The following GMIP variants were observed in gnomAD, a reference collection of about 807,000 sequenced individuals.
GMIP encodes GEM-interacting protein.
In GMIP, 54 loss-of-function variants were observed where a neutral mutation model predicts 105.3. The ratio of observed to expected loss-of-function variants is 0.51; its 90% CI spans 0.41 to 0.64. The LOEUF is 0.64. Ranked by LOEUF, GMIP falls within the 30% of genes least tolerant of loss-of-function variation. GMIP has a pLI of 0.00. For synonymous variants in GMIP, 541 were observed against 560.8 expected, an observed-to-expected ratio of 0.96 and a Z score of 0.50; for missense variants, 1,110 against 1,319.4, an observed-to-expected ratio of 0.84 and a Z score of 2.46.
At position 19,635,714 on chromosome 19, in the gene GMIP, G is replaced by T. The variant is rs1384259549; in HGVS notation, c.1335C>A (p.Gly445=). ...LDSPTSSPGA[G]TRQLVKASST... is the part of the protein sequence containing the mutation. ...ACGAAGCCTTCACCAGCTGCCTCGTGCCAGCGCCTGGGGTCAGAGGAATCA... is the reference window on the plus strand; with the variant it reads ...ACGAAGCCTTCACCAGCTGCCTCGTTCCAGCGCCTGGGGTCAGAGGAATCA... The change falls in exon 14 of 21, where the codon GGC becomes GGA. Residue 445 remains glycine, a synonymous_variant. Transcript: ENST00000203556. The surrounding 1 kb of genome is among the most constrained non-coding windows in gnomAD (Gnocchi z 4.7). The T allele has an allele frequency of 6.2e-7, 1 of 1,613,876 alleles. No homozygotes were observed. Among genetic ancestry groups the T allele is most frequent in the East Asian group, 2.2e-5 (1 of 44,874 alleles).
At position 19,635,632 on chromosome 19, in the gene GMIP, C is replaced by T; in HGVS notation, c.1405+12G>A. 1 of 1,613,598 alleles carries T rather than the reference C, an allele frequency of 6.2e-7. No homozygotes were observed. The highest frequency in any genetic ancestry group is 8.5e-7 in the Non-Finnish European group (1 of 1,179,484). Reference sequence around the variant, plus strand: ...CCCTGTCCCATCCTGACCTACCCTGCTTCAGCCTCACCAGGGTCTCGCTCC... The same window carrying T: ...CCCTGTCCCATCCTGACCTACCCTGTTTCAGCCTCACCAGGGTCTCGCTCC... On this transcript the variant is annotated intron_variant, in intron 14 of 20. Transcript: ENST00000203556. This position sits in a 1 kb window ranked among gnomAD's most constrained non-coding sequence, Gnocchi z 4.7.
At chr19:19,638,542 A>T (rs2061883848) in intron 7 of GMIP, 60 bp from the exon 8 acceptor site, 3 of 1,395,852 alleles carry the variant, frequency 2.1e-6, no homozygotes, top group South Asian at 1.2e-5. Context: ...AGAAGCAGCC[A>T]CCCAGTCCTT....
intron 7 of GMIP, among the ~76,000 whole-genome samples, chr19:19,639,007 G>A (rs941687506): frequency 4.0e-5 from 6 of 151,650 alleles, no homozygotes; most frequent in African/African-American, 1.5e-4. Context: ...TTGAACCCGG[G>A]AGGCAGAGGT....
intron 2 of GMIP, 120 bp downstream of exon 2, chr19:19,642,415 T>C (rs1599419114): frequency 1.4e-6 from 1 of 692,256 alleles, no homozygotes; most frequent in East Asian, 2.5e-5. Context: ...TAGACTTCTC[T>C]GGTTATTAGG....
At chr19:19,631,696 T>C (rs901645592) in intron 19 of GMIP, among the ~76,000 whole-genome samples, 2 of 152,194 alleles carry the variant, frequency 1.3e-5, no homozygotes, top group African/African-American at 4.8e-5. Flanking sequence ...TTAAAGATTC[T>C]ACGCCAGGCG....
chr19:19,634,058 A>T lies in GMIP; in HGVS notation c.2217T>A (p.Ser739=), dbSNP rs1163458328. ...ACTCCACAAGCTGGGCCTGATGCCC[A>T]GAGTCCAGCAGGCAGGTGACAGGGA... is the stretch of plus-strand genomic sequence containing the variant. ...SAIPVTCLLD[S]GHQAQLVEFL... is the part of the protein sequence containing the mutation. The change falls in exon 19 of 21, where the codon TCT becomes TCA. Residue 739 remains serine, a synonymous_variant. Coordinates refer to ENST00000203556, the MANE Select transcript of GMIP (RefSeq NM_016573.4). The surrounding 1 kb of genome is among the most constrained non-coding windows in gnomAD (Gnocchi z 6.1). The T allele has an allele frequency of 1.2e-6, 2 of 1,613,576 alleles. No homozygotes were observed. The highest frequency in any genetic ancestry group is 1.7e-6 in the Non-Finnish European group (2 of 1,179,852).
Position 19,629,971 on chromosome 19 carries a change from G to A in GMIP, c.2905C>T (p.His969Tyr), listed in dbSNP as rs1202405657. ...TTAAGGTGCCAGGGTGGTCAGAGAT[G>A]GTCCTCGGCTTCCTCAGGCTGGACG... ...PDVQPEEAEDHL is the reference protein window; with the variant it reads ...PDVQPEEAEDYL The change falls in exon 21 of 21, where the codon CAT becomes TAT. Residue 969 changes from histidine (H) to tyrosine (Y), a missense_variant. Around this residue, in one of 3 missense-constraint regions of GMIP, gnomAD observed 394 missense variants for 450.5 expected, o/e 0.87. Coordinates refer to ENST00000203556, the MANE Select transcript of GMIP (RefSeq NM_016573.4). The A allele has an allele frequency of 1.2e-6, 2 of 1,608,612 alleles. No individual in the cohort carries two copies. The highest frequency in any genetic ancestry group is 1.7e-5 in the Admixed American group (1 of 59,070).
chr19:19,636,926 G>A lies in GMIP; in HGVS notation c.1228C>T (p.Arg410Cys), dbSNP rs866295785. Reference protein sequence around the residue: ...GPWEDPGTGWRWQGTPGPTPG... With the variant: ...GPWEDPGTGWCWQGTPGPTPG... ...CCCTCATTGCACTCACCTTGCCAGC[G>A]CCAGCCTGTGCCCGGATCCTCCCAA... The change falls in exon 12 of 21, where the codon CGC becomes TGC. Residue 410 changes from arginine (R) to cysteine (C), a missense_variant. Transcript: ENST00000203556. 3.2e-6 allele frequency: 5 copies of A among 1,577,064 alleles called. No homozygotes were observed. The highest frequency in any genetic ancestry group is 1.8e-5 in the Admixed American group (1 of 54,734).
chr19:19,639,561 GTT>G (rs1246657091), intron 7 of GMIP, among the ~76,000 whole-genome samples: 1 of 151,402 alleles, frequency 6.6e-6, no homozygotes, highest in African/African-American at 2.4e-5. Context: ...CAAAAACGAA[GTT>G]TTTGGCTGGG....
intron 1 of GMIP, chr19:19,643,190 C>T (rs1055455809): frequency 8.9e-5 from 31 of 348,248 alleles, no homozygotes; most frequent in African/African-American, 6.4e-4. Flanking sequence ...CTGTGGGGAT[C>T]CTACCGCGTT....
At chr19:19,633,588 C>T (rs963683442) in intron 19 of GMIP, among the ~76,000 whole-genome samples, 5 of 152,182 alleles carry the variant, frequency 3.3e-5, no homozygotes, top group African/African-American at 1.2e-4. Context: ...AATGATCACC[C>T]ATGTTAGTAC....
In GMIP at chr19:19,637,811, G is replaced by T; in HGVS notation, c.927+109C>A. Reference sequence around the variant, plus strand: ...TGGGGGCGGGAACTGGCTGTCGAGGGAAATGGCCTAGTCCTGGTGTCTCCA... The same window carrying T: ...TGGGGGCGGGAACTGGCTGTCGAGGTAAATGGCCTAGTCCTGGTGTCTCCA... On this transcript the variant is annotated intron_variant, in intron 10 of 20. Transcript: ENST00000203556. This position sits in a 1 kb window ranked among gnomAD's most constrained non-coding sequence, Gnocchi z 6.7. 1 of 1,231,828 alleles carries T rather than the reference G, an allele frequency of 8.1e-7. No homozygotes were observed. Among genetic ancestry groups the T allele is most frequent in the South Asian group, 1.4e-5 (1 of 69,336 alleles). The allele number at this position is 1,231,828 out of a possible 1,614,324, so 76.3% of individuals were successfully genotyped here.
Position 19,634,703 on chromosome 19 carries a change from G to C in GMIP, c.1888C>G (p.Leu630Val). The change falls in exon 18 of 21, where the codon CTC (leucine) becomes GTC (valine). Residue 630 changes from leucine to valine, a missense_variant and splice_region_variant. This residue lies in a region of GMIP where 49 missense variants were observed against 95.6 expected (regional missense o/e 0.51). Transcript: ENST00000203556. The surrounding 1 kb of genome is among the most constrained non-coding windows in gnomAD (Gnocchi z 6.1). ...SSVLKRFLQELTEPVIPFHLY... is the reference protein window; with the variant it reads ...SSVLKRFLQEVTEPVIPFHLY... ...TGGAAGGGGATCACGGGCTCGGTGA[G>C]CTGGGGGTGGAACGGAGGGCGCAAC... is the stretch of plus-strand genomic sequence containing the variant. 6.2e-7 allele frequency: 1 copy of C among 1,608,650 alleles called. No homozygotes were observed. The highest frequency in any genetic ancestry group is 8.5e-7 in the Non-Finnish European group (1 of 1,175,982).
chr19:19,636,097 G>A (rs1044994932), intron 13 of GMIP, among the ~76,000 whole-genome samples: 1 of 151,648 alleles, frequency 6.6e-6, no homozygotes, highest in Non-Finnish European at 1.5e-5. Context: ...CCAGCTACTC[G>A]GGAGGCTGAG....
chr19:19,634,082 G>A lies in GMIP; in HGVS notation c.2193C>T (p.Ile731=), dbSNP rs1388317032. 3.7e-6 allele frequency: 6 copies of A among 1,613,252 alleles called. No individual in the cohort carries two copies. The Admixed American group carries it at 8.3e-5, about 22-fold the overall frequency. ...CAGAGTCCAGCAGGCAGGTGACAGG[G>A]ATGGCGCTGGCTGCCCGCGGGCCGT... is the stretch of plus-strand genomic sequence containing the variant. The part of the protein sequence containing the change: ...PPDGPRAASA[I]PVTCLLDSGH... Residue 731 remains isoleucine, a synonymous_variant, in exon 19 of 21, where the codon ATC becomes ATT. Transcript: ENST00000203556. This position sits in a 1 kb window ranked among gnomAD's most constrained non-coding sequence, Gnocchi z 6.1.
rs754962287 is a variant in GMIP at position 19,630,098 on chromosome 19, G to T, written c.2778C>A (p.Arg926=). ...CAAAATGCTTGGGCAGCGGGGTGCG[G>T]CGCAGGGGGCTGCCCTCAGGGGAGG... ...AAASPEGSPL[R]RTPLPKHFEI... Residue 926 remains arginine (R), a synonymous_variant, in exon 21 of 21, where the codon CGC becomes CGA. Transcript: ENST00000203556. The surrounding 1 kb of genome is among the most constrained non-coding windows in gnomAD (Gnocchi z 4.8). 8 of 1,610,616 alleles carry T rather than the reference G, an allele frequency of 5.0e-6. No individual in the cohort carries two copies. The highest frequency in any genetic ancestry group is 6.8e-6 in the Non-Finnish European group (8 of 1,178,620).
In GMIP at chr19:19,636,739, G is replaced by T; in HGVS notation, c.1295C>A (p.Ser432Tyr). ...GGAAGTGGGTGAGTCCAGGGACCGA[G>T]ACTCGCTGCCGCCACCCACGCTGTC... ...DVDSVGGGSE[S>Y]RSLDSPTSSP... is the part of the protein sequence containing the mutation. The change falls in exon 13 of 21, where the codon TCT becomes TAT. Residue 432 changes from serine to tyrosine, a missense_variant. This residue lies in a region of GMIP where 667 missense variants were observed against 773.2 expected (regional missense o/e 0.86). Transcript: ENST00000203556. 6.2e-7 allele frequency: 1 copy of T among 1,613,766 alleles called. No homozygotes were observed. Among genetic ancestry groups the T allele is most frequent in the Non-Finnish European group, 8.5e-7 (1 of 1,179,918 alleles).
chr19:19,631,776 A>G (rs2061797820), intron 19 of GMIP, among the ~76,000 whole-genome samples: 1 of 148,268 alleles, frequency 6.7e-6, no homozygotes, highest in African/African-American at 2.5e-5. Context: ...TCACAAGGTC[A>G]GGAGATCGAG....
chr19:19,635,457 G>C lies in GMIP; in HGVS notation c.1518C>G (p.Arg506=). Residue 506 remains arginine (R), a synonymous_variant, in exon 15 of 21, where the codon CGC becomes CGG. Transcript: ENST00000203556. The surrounding 1 kb of genome is among the most constrained non-coding windows in gnomAD (Gnocchi z 4.7). ...CGCTGACCATGAAGGCTTCGCACTC[G>C]CGGCACTTGGCTGGGCCCCGCAGTC... is the stretch of plus-strand genomic sequence containing the variant. ...LRRLRGPAKC[R]ECEAFMVSGT... 6.2e-7 allele frequency: 1 copy of C among 1,609,938 alleles called. No individual in the cohort carries two copies. Among genetic ancestry groups the C allele is most frequent in the Non-Finnish European group, 8.5e-7 (1 of 1,179,992 alleles).
Sources: gnomAD v4.1 joint callset for allele counts (sites outside exome capture counted in the v4.1 genomes callset) on GRCh38, gnomAD v4.1.1 for gene constraint, gnomAD v4.1.1 regional missense constraint, Gnocchi (gnomAD v3.1) non-coding constraint, MANE v1.5 for transcripts, NCBI Gene and HGNC (gene_info 2026-07-23, HGNC 2026-07-21) for gene names.